Variants in RAP1GAP2 observed in about 807,000 individuals in gnomAD.
The protein encoded by RAP1GAP2 is RAP1 GTPase activating protein 2.
RAP1GAP2 carries 27 observed loss-of-function variants against 95.0 expected under a neutral mutation model. The observed-to-expected ratio is 0.28, with a 90% confidence interval of 0.21 to 0.39. The LOEUF (loss-of-function observed/expected upper bound fraction) is 0.39. Ranked by LOEUF, RAP1GAP2 falls within the 10% of genes least tolerant of loss-of-function variation. RAP1GAP2 has a pLI of 1.00. For missense variants in RAP1GAP2, 771 were observed against 970.0 expected, an observed-to-expected ratio of 0.79 and a Z score of 2.72; for synonymous variants, 373 against 380.9, an observed-to-expected ratio of 0.98 and a Z score of 0.24.
At chr17:2,814,736 C>G (rs962653760) in intron 2 of RAP1GAP2, among the ~76,000 whole-genome samples, 1 of 152,114 alleles carries the variant, frequency 6.6e-6, no homozygotes, top group Admixed American at 6.5e-5. Context: ...TGGTACCACC[C>G]CCCCCAACCC....
chr17:2,863,587 C>T (rs1372208053), intron 2 of RAP1GAP2, among the ~76,000 whole-genome samples: 1 of 152,200 alleles, frequency 6.6e-6, no homozygotes, highest in African/African-American at 2.4e-5. Flanking sequence ...TCTTTCTCTA[C>T]TGTAAAGATC....
chr17:2,943,025 A>C (rs113225305), intron 3 of RAP1GAP2, among the ~76,000 whole-genome samples: 1 of 151,892 alleles, frequency 6.6e-6, no homozygotes, highest in Non-Finnish European at 1.5e-5. Context: ...CGCCTTGGCC[A>C]CCCAAAGTGC....
In RAP1GAP2 at chr17:3,006,005, C is replaced by T. The variant is rs368049569; in HGVS notation, c.1323C>T (p.Asn441=). The T allele has an allele frequency of 2.3e-4, 369 of 1,613,600 alleles. No homozygotes were observed. Among genetic ancestry groups the T allele is most frequent in the Non-Finnish European group, 3.1e-4 (364 of 1,179,802 alleles). Residue 441 remains asparagine (N), a synonymous_variant, in exon 16 of 25, where the codon AAC becomes AAT. Coordinates refer to ENST00000254695, the MANE Select transcript of RAP1GAP2 (RefSeq NM_015085.5). The part of the protein sequence containing the change: ...FLLTKLTNAE[N]ACCKSDKFAK... ...TCACCAAGCTCACCAATGCCGAGAA[C>T]GCCTGCTGCAAGTCGGACAAGTTTG...
chr17:3,025,216 A>G (rs1450407704), intron 19 of RAP1GAP2, among the ~76,000 whole-genome samples: 2 of 152,192 alleles, frequency 1.3e-5, no homozygotes, highest in East Asian at 3.8e-4. Flanking sequence ...ATCTCTACTA[A>G]AAGTACAAAA....
intron 2 of RAP1GAP2, among the ~76,000 whole-genome samples, chr17:2,822,224 G>T (rs2070335165): frequency 6.6e-6 from 1 of 152,152 alleles, no homozygotes; most frequent in Non-Finnish European, 1.5e-5. Flanking sequence ...ACATGACCAC[G>T]CAGGGTCACC....
intron 2 of RAP1GAP2, among the ~76,000 whole-genome samples, chr17:2,831,131 G>A (rs1271365797): frequency 2.9e-4 from 24 of 83,658 alleles, no homozygotes; most frequent in Non-Finnish European, 5.4e-4. Context: ...AGGCTGGAGT[G>A]CAGTGGTGTG....
intron 2 of RAP1GAP2, among the ~76,000 whole-genome samples, chr17:2,886,992 G>T (rs2073525464): frequency 6.6e-6 from 1 of 152,092 alleles, no homozygotes; most frequent in African/African-American, 2.4e-5. Flanking sequence ...GTGTTGAAAA[G>T]ATTAAATGAA....
In RAP1GAP2 at chr17:2,805,838, C is replaced by T. The variant is rs192493335; in HGVS notation, c.80+5288C>T. 4.3e-3 allele frequency among the ~76,000 whole-genome samples: 656 copies of T among 152,166 alleles called. 7 individuals carry two copies. The highest frequency in any genetic ancestry group is 0.014 in the African/African-American group (596 of 41,504). On this transcript the variant is annotated intron_variant, in intron 2 of 24. Coordinates refer to ENST00000254695, the MANE Select transcript of RAP1GAP2 (RefSeq NM_015085.5). ...GACCGTCATGCACAGGGGCTGGCTG[C>T]GGTGGCCTGGAGTGAGCACGTGAAT...
rs1452576938 is a variant in RAP1GAP2 at position 2,797,693 on chromosome 17, G to C, written c.44+1122G>C. 1 of 985,302 alleles carries C rather than the reference G, an allele frequency of 1.0e-6. No homozygotes were observed. The highest frequency in any genetic ancestry group is 1.7e-5 in the African/African-American group (1 of 57,238). 61.0% of individuals were successfully genotyped at this position (985,302 alleles called of 1,614,324 possible). On this transcript the variant is annotated intron_variant, in intron 1 of 24. Coordinates refer to ENST00000254695, the MANE Select transcript of RAP1GAP2 (RefSeq NM_015085.5). The surrounding 1 kb of genome is among the most constrained non-coding windows in gnomAD (Gnocchi z 5.6). ...TGGGCACTCCATGTTTGGCAGATGG[G>C]ATGGTGCGGATGAGAAGATGGCACA...
chr17:3,023,845 C>T (rs1039179127), intron 19 of RAP1GAP2, among the ~76,000 whole-genome samples: 13 of 151,980 alleles, frequency 8.6e-5, no homozygotes, highest in Admixed American at 2.6e-4. Context: ...GTGATGTTCC[C>T]CTCCCTGTGT....
At chr17:2,772,391 A>G (rs2068413867), upstream of RAP1GAP2, among the ~76,000 whole-genome samples, 1 of 152,186 alleles carries the variant, frequency 6.6e-6, no homozygotes, top group Non-Finnish European at 1.5e-5. Flanking sequence ...TTTGGGCTCA[A>G]GGAATCCTGT....
intron 1 of RAP1GAP2, among the ~76,000 whole-genome samples, chr17:2,759,341 C>G (rs2071203476): frequency 6.6e-6 from 1 of 152,088 alleles, no homozygotes; most frequent in South Asian, 2.1e-4. Flanking sequence ...AGTGCAGTGG[C>G]TCAATCACAG....
At chr17:2,943,441 A>G (rs1482293126) in intron 3 of RAP1GAP2, among the ~76,000 whole-genome samples, 1 of 150,486 alleles carries the variant, frequency 6.6e-6, no homozygotes, top group Admixed American at 6.6e-5. Flanking sequence ...GGGAGGCTGA[A>G]GCAGGCAGAT....
At chr17:2,773,727 A>G (rs1041429888), upstream of RAP1GAP2, among the ~76,000 whole-genome samples, 2 of 24,040 alleles carry the variant, frequency 8.3e-5, no homozygotes, top group Non-Finnish European at 7.4e-5. Context: ...AGTAGACACT[A>G]TTTATTTATT....
intron 2 of RAP1GAP2, among the ~76,000 whole-genome samples, chr17:2,804,431 G>T (rs1157915036): frequency 6.6e-6 from 1 of 152,238 alleles, no homozygotes; most frequent in African/African-American, 2.4e-5. Flanking sequence ...AAGGTCTTCA[G>T]GGAGGAAGTC....
chr17:2,817,786 GTTAGGA>G (rs2070090479), intron 2 of RAP1GAP2, among the ~76,000 whole-genome samples: 1 of 120,752 alleles, frequency 8.3e-6, no homozygotes, highest in Non-Finnish European at 2.0e-5. Context: ...CTCCCAAAGT[GTTAGGA>G]TTACAGGCAT....
chr17:2,885,119 C>T (rs966803237), intron 2 of RAP1GAP2, among the ~76,000 whole-genome samples: 4 of 150,704 alleles, frequency 2.7e-5, no homozygotes, highest in Non-Finnish European at 3.0e-5. Flanking sequence ...CTGCAAGCTC[C>T]GCCTCCCAGG....
intron 1 of RAP1GAP2, 122 bp from the exon 2 acceptor site, chr17:2,800,393 C>A: frequency 7.3e-7 from 1 of 1,371,034 alleles, no homozygotes; most frequent in Non-Finnish European, 1.0e-6. Context: ...CCCCTTTAGC[C>A]AGTCCCTGAC....
chr17:2,780,282 C>G (rs1163125419), intron 1 of RAP1GAP2, among the ~76,000 whole-genome samples: 1 of 152,222 alleles, frequency 6.6e-6, no homozygotes, highest in Non-Finnish European at 1.5e-5. Context: ...AACTCCTGAC[C>G]TCAGGTGATC....
Sources: allele counts gnomAD v4.1 joint callset (sites outside exome capture counted in the v4.1 genomes callset), GRCh38; gene constraint gnomAD v4.1.1; non-coding constraint Gnocchi (gnomAD v3.1); transcripts MANE v1.5; gene names NCBI Gene and HGNC (gene_info 2026-07-23, HGNC 2026-07-21).